Variants in BST1 observed in about 807,000 individuals in gnomAD.
BST1 encodes the protein ADP-ribosyl cyclase/cyclic ADP-ribose hydrolase 2.
Under a neutral mutation model 40.6 loss-of-function variants are expected in BST1, and 49 were observed. The observed-to-expected ratio is 1.21, with a 90% CI of 0.96 to 1.53. BST1 has a LOEUF of 1.53. Among genes scored for constraint, BST1 ranks in the 40% most tolerant of loss-of-function variants. The pLI, the probability that BST1 is intolerant of heterozygous loss-of-function variation, is 0.00. For synonymous variants in BST1, 157 were observed against 159.3 expected, an observed-to-expected ratio of 0.99 and a Z score of 0.11; for missense variants, 423 against 395.9, an observed-to-expected ratio of 1.07 and a Z score of -0.58.
At chr4:15,747,333 C>T in the BST1 span, among the ~76,000 whole-genome samples, 3 of 152,178 alleles carry the variant, frequency 2.0e-5, no homozygotes, top group Non-Finnish European at 2.9e-5. Context: ...GCCATGCTGC[C>T]TTTATGCCAT....
the BST1 span, among the ~76,000 whole-genome samples, chr4:15,746,811 G>A: frequency 2.2e-4 from 33 of 152,304 alleles, no homozygotes; most frequent in Non-Finnish European, 4.3e-4. Context: ...GAGGGGGCTA[G>A]GGACATGATC....
chr4:15,751,080 A>G, the BST1 span, among the ~76,000 whole-genome samples: 6 of 152,224 alleles, frequency 3.9e-5, no homozygotes. Context: ...AGAGGCATGA[A>G]TCAGGTGTAA....
chr4:15,727,570 A>G (rs1721181072), intron 8 of BST1, among the ~76,000 whole-genome samples: 1 of 152,232 alleles, frequency 6.6e-6, no homozygotes, highest in Non-Finnish European at 1.5e-5. Context: ...ACAAGGTGTC[A>G]TTTTCACCTA....
Position 15,718,963 on chromosome 4 carries a change from G to T in BST1, c.761G>T (p.Gly254Val). 5.6e-6 allele frequency: 9 copies of T among 1,614,094 alleles called. No individual in the cohort carries two copies. Among genetic ancestry groups the T allele is most frequent in the Non-Finnish European group, 6.8e-6 (8 of 1,180,014 alleles). ...KVLEKRLKDM[G>V]FQYSCINDYR... ...CTGGAAAAGAGGCTGAAGGACATGGGGTTCCAGTACAGCTGTATTAATGAT... is the reference window on the plus strand; with the variant it reads ...CTGGAAAAGAGGCTGAAGGACATGGTGTTCCAGTACAGCTGTATTAATGAT... Residue 254 changes from glycine to valine, a missense_variant, in exon 7 of 9, where the codon GGG (glycine) becomes GTG (valine). By Grantham distance (109) the Gly-to-Val change is moderately radical (BLOSUM62 -3). Coordinates refer to ENST00000265016, the MANE Select transcript of BST1 (RefSeq NM_004334.3).
At chr4:15,718,247 G>GTA (rs1441941042) in intron 6 of BST1, among the ~76,000 whole-genome samples, 2 of 111,904 alleles carry the variant, frequency 1.8e-5, no homozygotes, top group Non-Finnish European at 3.6e-5. Flanking sequence ...GCAGAGAAGT[G>GTA]TGTGTGTGTG....
the BST1 span, among the ~76,000 whole-genome samples, chr4:15,754,018 C>G: frequency 1.3e-5 from 2 of 152,166 alleles, no homozygotes; most frequent in Non-Finnish European, 2.9e-5. Flanking sequence ...GGAGAGCCTC[C>G]TGGGGCTGGA....
At chr4:15,745,839 A>T in the BST1 span, among the ~76,000 whole-genome samples, 1 of 152,180 alleles carries the variant, frequency 6.6e-6, no homozygotes, top group Non-Finnish European at 1.5e-5. Context: ...TCTGGCCTGC[A>T]TGTGTTTTAA....
At chr4:15,737,893 G>A (rs1240121565) in exon 7 of BST1, 6 of 1,101,276 alleles carry the variant, frequency 5.4e-6, no homozygotes, top group Non-Finnish European at 7.3e-6. Flanking sequence ...AGAGGCTCTG[G>A]CAAGAGTTGA....
chr4:15,759,013 T>G, the BST1 span, among the ~76,000 whole-genome samples: 36 of 150,728 alleles, frequency 2.4e-4, no homozygotes, highest in African/African-American at 8.5e-4. Context: ...TGGAATCAGG[T>G]GGACAGGCAT....
intron 3 of BST1, among the ~76,000 whole-genome samples, chr4:15,709,473 T>C (rs914926880): frequency 6.6e-6 from 1 of 152,204 alleles, no homozygotes; most frequent in African/African-American, 2.4e-5. Flanking sequence ...CCACGTCAAA[T>C]GGACACAGCC....
the BST1 span, among the ~76,000 whole-genome samples, chr4:15,770,039 C>G: frequency 6.6e-6 from 1 of 152,178 alleles, no homozygotes; most frequent in Non-Finnish European, 1.5e-5. Context: ...GTGGTTTCAC[C>G]ATGTTGGCCA....
At chr4:15,730,547 TATG>T (rs1386399085) in intron 8 of BST1, among the ~76,000 whole-genome samples, 3 of 152,204 alleles carry the variant, frequency 2.0e-5, no homozygotes, top group Non-Finnish European at 2.9e-5. Flanking sequence ...ATGTTCAAAA[TATG>T]ATGTTAGGTG....
the BST1 span, among the ~76,000 whole-genome samples, chr4:15,763,213 TA>T: frequency 4.6e-5 from 7 of 151,858 alleles, no homozygotes; most frequent in Non-Finnish European, 1.0e-4. Context: ...TGTTTTAAAA[TA>T]AAATAAATTA....
intron 6 of BST1, among the ~76,000 whole-genome samples, chr4:15,717,076 G>A (rs1332099669): frequency 6.6e-6 from 1 of 152,038 alleles, no homozygotes; most frequent in Non-Finnish European, 1.5e-5. Context: ...CACCATGCCC[G>A]TCCTTTATAG....
downstream of BST1, among the ~76,000 whole-genome samples, chr4:15,733,808 C>T (rs1010072840): frequency 5.9e-5 from 9 of 152,158 alleles, no homozygotes; most frequent in African/African-American, 1.9e-4. Context: ...TCCCACCAGA[C>T]CCCACCTTCA....
the BST1 span, among the ~76,000 whole-genome samples, chr4:15,765,587 C>T: frequency 6.6e-6 from 1 of 152,020 alleles, no homozygotes; most frequent in Non-Finnish European, 1.5e-5. Context: ...CCACATATTT[C>T]CTCCTTGTTC....
intron 1 of BST1, 139 bp from the exon 2 acceptor site, chr4:15,705,376 T>C (rs1719821799): frequency 3.0e-6 from 3 of 987,094 alleles, no homozygotes; most frequent in African/African-American, 3.3e-5. Flanking sequence ...GCCATGACAA[T>C]TCGTTGTCTT....
chr4:15,732,381 G>A lies in BST1; in HGVS notation c.*536G>A, dbSNP rs986185060. 1.3e-5 allele frequency: 2 copies of A among 153,518 alleles called. No individual in the cohort carries two copies. The highest frequency in any genetic ancestry group is 4.8e-5 in the African/African-American group (2 of 41,456). 9.5% of individuals were successfully genotyped at this position (153,518 alleles called of 1,614,324 possible). A position where few individuals can be genotyped will look rare whatever the true frequency, so the allele number is the denominator to read the frequency against. On this transcript the variant is annotated 3_prime_UTR_variant, in exon 9 of 9. Coordinates refer to ENST00000265016, the MANE Select transcript of BST1 (RefSeq NM_004334.3). ...TGCCCAGGCTGGAGTGAGGTGGGGAGATCTCAGCTCACTGCAACCTCTGCT... is the reference window on the plus strand; with the variant it reads ...TGCCCAGGCTGGAGTGAGGTGGGGAAATCTCAGCTCACTGCAACCTCTGCT...
At chr4:15,757,334 C>T in the BST1 span, among the ~76,000 whole-genome samples, 26 of 152,240 alleles carry the variant, frequency 1.7e-4, no homozygotes, top group Middle Eastern at 6.8e-3. Flanking sequence ...CACAGCCATG[C>T]CAAAGAACCC....
Sources: gnomAD v4.1 joint callset for allele counts (sites outside exome capture counted in the v4.1 genomes callset) on GRCh38, gnomAD v4.1.1 for gene constraint, MANE v1.5 for transcripts, NCBI Gene and HGNC (gene_info 2026-07-23, HGNC 2026-07-21) for gene names.